Variants in WWC2 observed in about 807,000 individuals in gnomAD.
The protein encoded by WWC2 is WW and C2 domain containing 2, also known as protein WWC2.
In WWC2, 101 loss-of-function variants were observed where a neutral mutation model predicts 138.5. The observed-to-expected ratio is 0.73, with a 90% CI of 0.62 to 0.86. The LOEUF is 0.86. Among genes scored for constraint, WWC2 ranks in the 40% least tolerant of loss-of-function variants. The probability of loss-of-function intolerance (pLI) is 0.00; values close to 1 mark genes in which losing one functional copy is unlikely to be tolerated. For missense variants in WWC2, 1,420 were observed against 1,419.4 expected, an observed-to-expected ratio of 1.00 and a Z score of -0.01; for synonymous variants, 558 against 538.4, an observed-to-expected ratio of 1.04 and a Z score of -0.50.
At chr4:183,126,205 A>G (rs947068715) in intron 1 of WWC2, among the ~76,000 whole-genome samples, 3 of 152,210 alleles carry the variant, frequency 2.0e-5, no homozygotes, top group Non-Finnish European at 4.4e-5. Flanking sequence ...TCATTGGGGT[A>G]TTCAGATAAA....
rs201612338 is a variant in WWC2 at position 183,269,024 on chromosome 4, G to A, written c.2261G>A (p.Arg754His). The A allele has an allele frequency of 4.8e-5, 78 of 1,613,590 alleles. No individual in the cohort carries two copies. The highest frequency in any genetic ancestry group is 8.8e-5 in the South Asian group (8 of 91,004). The change falls in exon 15 of 23, where the codon CGC becomes CAC. Residue 754 changes from arginine (R) to histidine (H), a missense_variant. By Grantham distance (29) the Arg-to-His change is conservative (BLOSUM62 0). Coordinates refer to ENST00000403733, the MANE Select transcript of WWC2 (RefSeq NM_024949.6). ...TCAACTGATGTCAGCTGTCTGTTTC[G>A]CACAAAAGTTCATCCGCCCACAGAA... ...PSSTDVSCLFRTKVHPPTESI... is the reference protein window; with the variant it reads ...PSSTDVSCLFHTKVHPPTESI...
intron 8 of WWC2, among the ~76,000 whole-genome samples, chr4:183,252,662 C>T (rs1055428435): frequency 6.6e-6 from 1 of 152,150 alleles, no homozygotes; most frequent in African/African-American, 2.4e-5. Context: ...GAAGGTCCAC[C>T]GTATGCTGCC....
intron 4 of WWC2, among the ~76,000 whole-genome samples, chr4:183,228,485 A>G (rs909502686): frequency 1.3e-5 from 2 of 152,134 alleles, no homozygotes; most frequent in Middle Eastern, 3.4e-3. Context: ...AAGCAAAAAT[A>G]TTTTTCAAGC....
intron 1 of WWC2, among the ~76,000 whole-genome samples, chr4:183,109,684 C>T (rs1259966427): frequency 6.6e-6 from 1 of 152,198 alleles, no homozygotes; most frequent in Non-Finnish European, 1.5e-5. Flanking sequence ...ACACCTCCTT[C>T]TGTGCGGCCC....
At chr4:183,126,654 A>C (rs1381402879) in intron 1 of WWC2, among the ~76,000 whole-genome samples, 4 of 152,234 alleles carry the variant, frequency 2.6e-5, no homozygotes, top group African/African-American at 7.2e-5. Context: ...CATCAAACCT[A>C]GTAGAGTGAA....
chr4:183,104,591 T>C (rs1743291926), intron 1 of WWC2, among the ~76,000 whole-genome samples: 1 of 152,220 alleles, frequency 6.6e-6, no homozygotes, highest in Non-Finnish European at 1.5e-5. Flanking sequence ...CAGCAGGCCC[T>C]GAGTCTGGGT....
intron 4 of WWC2, among the ~76,000 whole-genome samples, chr4:183,237,047 T>TA (rs111714030): frequency 3.6e-4 from 55 of 151,828 alleles, no homozygotes; most frequent in African/African-American, 1.1e-3. Context: ...GCTGGTAAGC[T>TA]AAAAAAAAGA....
chr4:183,312,603 A>G, intron 22 of WWC2, 135 bp downstream of exon 22: 1 of 1,319,438 alleles, frequency 7.6e-7, no homozygotes, highest in South Asian at 1.5e-5. Flanking sequence ...TGAATATATA[A>G]TTTTCCATTT....
chr4:183,124,942 AAC>A (rs1423819944), intron 1 of WWC2, among the ~76,000 whole-genome samples: 1 of 152,186 alleles, frequency 6.6e-6, no homozygotes. Flanking sequence ...GAAATGATTA[AAC>A]ACACTAAATT....
chr4:183,152,293 G>C lies in WWC2; in HGVS notation c.132-41306G>C, dbSNP rs116572684. ...GGAGGGAGGATGCTTGAGCTCAGGG[G>C]TTTGAGACCAGCCTGGGTAACATAG... On this transcript the variant is annotated intron_variant, in intron 1 of 22. Transcript: ENST00000403733. 1.5e-3 allele frequency among the ~76,000 whole-genome samples: 227 copies of C among 152,036 alleles called. 1 individual carries two copies. Among genetic ancestry groups the C allele is most frequent in the African/African-American group, 5.3e-3 (218 of 41,456 alleles).
intron 1 of WWC2, among the ~76,000 whole-genome samples, chr4:183,101,824 A>G (rs984829297): frequency 6.6e-6 from 1 of 152,208 alleles, no homozygotes; most frequent in South Asian, 2.1e-4. Context: ...TTGATATACT[A>G]TGGGTCTGCA....
At chr4:183,210,264 G>A (rs1026477083) in intron 4 of WWC2, among the ~76,000 whole-genome samples, 2 of 152,066 alleles carry the variant, frequency 1.3e-5, no homozygotes, top group African/African-American at 2.4e-5. Flanking sequence ...AGTGGTTACC[G>A]TGGACCTCGG....
At chr4:183,138,251 T>C (rs1469925373) in intron 1 of WWC2, among the ~76,000 whole-genome samples, 1 of 152,186 alleles carries the variant, frequency 6.6e-6, no homozygotes, top group Non-Finnish European at 1.5e-5. Flanking sequence ...TGCAGTCTTC[T>C]GGGGTTCTGG....
chr4:183,100,698 C>G (rs1357550197), intron 1 of WWC2, among the ~76,000 whole-genome samples: 2 of 152,194 alleles, frequency 1.3e-5, no homozygotes, highest in Non-Finnish European at 2.9e-5. Context: ...TTTATAATCT[C>G]AGTTACTTTT....
At chr4:183,269,491 G>A in intron 15 of WWC2, 1 of 511,524 alleles carries the variant, frequency 2.0e-6, no homozygotes, top group Non-Finnish European at 3.9e-6. Context: ...GCCAAGCTTT[G>A]CGTGACTGCT....
chr4:183,109,094 T>C (rs528475990), intron 1 of WWC2, among the ~76,000 whole-genome samples: 8 of 152,344 alleles, frequency 5.3e-5, no homozygotes, highest in Non-Finnish European at 4.4e-5. Context: ...TGATTTTCTT[T>C]GGTGGAAGCA....
chr4:183,163,311 C>T (rs1222998240), intron 1 of WWC2, among the ~76,000 whole-genome samples: 1 of 152,214 alleles, frequency 6.6e-6, no homozygotes, highest in Admixed American at 6.5e-5. Flanking sequence ...CTGCCCTGGG[C>T]TGCCGGAGTA....
intron 1 of WWC2, among the ~76,000 whole-genome samples, chr4:183,105,203 A>G (rs1438889356): frequency 3.9e-5 from 6 of 152,098 alleles, no homozygotes; most frequent in Admixed American, 2.6e-4. Flanking sequence ...TAAATATGTT[A>G]TTTGTTTTGA....
At chr4:183,159,167 T>A (rs1733888334) in intron 1 of WWC2, among the ~76,000 whole-genome samples, 1 of 152,244 alleles carries the variant, frequency 6.6e-6, no homozygotes, top group South Asian at 2.1e-4. Context: ...TTTGTGTTTT[T>A]AAAACAGATA....
Sources: allele counts gnomAD v4.1 joint callset (sites outside exome capture counted in the v4.1 genomes callset), GRCh38; gene constraint gnomAD v4.1.1; transcripts MANE v1.5; gene names NCBI Gene and HGNC (gene_info 2026-07-23, HGNC 2026-07-21).